The following ZRANB3 variants were observed in gnomAD, a reference collection of about 807,000 sequenced individuals.
The protein encoded by ZRANB3 is zinc finger RANBP2-type containing 3, also known as DNA annealing helicase and endonuclease ZRANB3.
A neutral mutation model predicts 133.8 loss-of-function variants in ZRANB3; 125 were observed. That is an observed-to-expected ratio of 0.93 (90% CI 0.81 to 1.08). The LOEUF (loss-of-function observed/expected upper bound fraction) is 1.08. Among genes scored for constraint, ZRANB3 ranks in the 50% least tolerant of loss-of-function variants. ZRANB3 has a pLI of 0.00. For missense variants in ZRANB3, 1,229 were observed against 1,275.5 expected (o/e 0.96, Z 0.56); for synonymous variants, 387 against 432.7 (o/e 0.89, Z 1.31).
chr2:135,498,064 ATAAT>A (rs1233525227), intron 2 of ZRANB3, among the ~76,000 whole-genome samples: 1 of 145,154 alleles, frequency 6.9e-6, no homozygotes, highest in African/African-American at 2.7e-5. Flanking sequence ...AAAATAATAA[ATAAT>A]AAATAAATAA....
intron 2 of ZRANB3, among the ~76,000 whole-genome samples, chr2:135,407,913 G>C (rs949036301): frequency 2.0e-5 from 3 of 146,414 alleles, no homozygotes; most frequent in South Asian, 2.2e-4. Flanking sequence ...CATAGGCATG[G>C]GCAAGGACTT....
At chr2:135,265,090 T>G (rs1218263253) in intron 12 of ZRANB3, among the ~76,000 whole-genome samples, 1 of 152,174 alleles carries the variant, frequency 6.6e-6, no homozygotes, top group Non-Finnish European at 1.5e-5. Flanking sequence ...CTTTACTAAT[T>G]GAGTTGTATA....
rs1218474503 is a variant in ZRANB3 at position 135,408,554 on chromosome 2, A to T, written c.162-17734T>A. ...TGTTTATTGCGGCACTATTCACAATAGCAAAGACTTGGAACCAACCCAAAT... is the reference window on the plus strand; with the variant it reads ...TGTTTATTGCGGCACTATTCACAATTGCAAAGACTTGGAACCAACCCAAAT... On this transcript the variant is annotated intron_variant, in intron 2 of 20. Coordinates refer to ENST00000264159, the MANE Select transcript of ZRANB3 (RefSeq NM_032143.4). 2.0e-5 allele frequency among the ~76,000 whole-genome samples: 3 copies of T among 152,232 alleles called. No homozygotes were observed. The East Asian group carries it at 5.8e-4, about 29-fold the overall frequency.
chr2:135,477,520 T>C (rs1691557561), intron 2 of ZRANB3, among the ~76,000 whole-genome samples: 1 of 152,222 alleles, frequency 6.6e-6, no homozygotes, highest in South Asian at 2.1e-4. Context: ...ATACTTGTTC[T>C]CTCAGGCCTA....
chr2:135,332,265 C>T (rs1684182041), intron 6 of ZRANB3, among the ~76,000 whole-genome samples: 1 of 152,030 alleles, frequency 6.6e-6, no homozygotes, highest in African/African-American at 2.4e-5. Flanking sequence ...CTATTAAGTT[C>T]CACTGCTTGA....
intron 17 of ZRANB3, among the ~76,000 whole-genome samples, chr2:135,209,294 T>A (rs1035916845): frequency 1.3e-5 from 2 of 152,230 alleles, no homozygotes; most frequent in Non-Finnish European, 2.9e-5. Flanking sequence ...AATGATCAAA[T>A]ACACGCACAA....
At chr2:135,388,068 C>T (rs1403767925) in intron 3 of ZRANB3, among the ~76,000 whole-genome samples, 4 of 152,140 alleles carry the variant, frequency 2.6e-5, no homozygotes, top group Non-Finnish European at 5.9e-5. Flanking sequence ...TTCACAGTTC[C>T]ACATGGCTAG....
At chr2:135,495,011 G>C (rs888956376) in intron 2 of ZRANB3, among the ~76,000 whole-genome samples, 1 of 152,182 alleles carries the variant, frequency 6.6e-6, no homozygotes, top group Admixed American at 6.5e-5. Flanking sequence ...AAAGCAGGAA[G>C]ATCATATGGG....
chr2:135,208,960 ATCT>A lies in ZRANB3; in HGVS notation c.2511_2513del (p.Glu837del), dbSNP rs1693992352. ...CTTTGTCCATTGAGGCTACGGCAAC[ATCT>A]TCTTTGGTTATGTATCTAAAACAAT... On this transcript the variant is annotated inframe_deletion, in exon 18 of 21. Coordinates refer to ENST00000264159, the MANE Select transcript of ZRANB3 (RefSeq NM_032143.4). 6.2e-7 allele frequency: 1 copy of A among 1,613,818 alleles called. No homozygotes were observed. The highest frequency in any genetic ancestry group is 8.5e-7 in the Non-Finnish European group (1 of 1,179,856).
chr2:135,223,011 C>T (rs199553809), intron 15 of ZRANB3, among the ~76,000 whole-genome samples: 2 of 151,766 alleles, frequency 1.3e-5, no homozygotes, highest in African/African-American at 2.4e-5. Context: ...CCCCGCACTT[C>T]GGGAGGCTGA....
intron 12 of ZRANB3, among the ~76,000 whole-genome samples, chr2:135,252,564 T>C (rs1679453302): frequency 6.6e-6 from 1 of 152,174 alleles, no homozygotes; most frequent in South Asian, 2.1e-4. Flanking sequence ...CTATGTACCA[T>C]TATTTCTCTT....
intron 1 of ZRANB3, among the ~76,000 whole-genome samples, chr2:135,516,801 G>T (rs901608983): frequency 6.6e-6 from 1 of 152,078 alleles, no homozygotes; most frequent in Admixed American, 6.5e-5. Context: ...CATATTTCCT[G>T]AATTTGAATG....
At position 135,244,126 on chromosome 2, in the gene ZRANB3, T is replaced by A. The variant is rs866910679; in HGVS notation, c.1540-13199A>T. Among the ~76,000 whole-genome samples the A allele has an allele frequency of 7.9e-3, 1,132 of 144,176 alleles. 14 individuals are homozygous for A. Among genetic ancestry groups the A allele is most frequent in the African/African-American group, 0.027 (1,013 of 38,046 alleles). The allele number at this position is 144,176 out of a possible 152,430, so 94.6% of individuals were successfully genotyped here. A position where few individuals can be genotyped will look rare whatever the true frequency, so the allele number is the denominator to read the frequency against. On this transcript the variant is annotated intron_variant, in intron 12 of 20. Coordinates refer to ENST00000264159, the MANE Select transcript of ZRANB3 (RefSeq NM_032143.4). ...CCCCACCAAAAAAAAAAAAAAAAAATTTGCAACATTTGTTAAAACAAAAGG... is the reference window on the plus strand; with the variant it reads ...CCCCACCAAAAAAAAAAAAAAAAAAATTGCAACATTTGTTAAAACAAAAGG...
chr2:135,386,044 A>C (rs991151133), intron 3 of ZRANB3, among the ~76,000 whole-genome samples: 3 of 152,184 alleles, frequency 2.0e-5, no homozygotes, highest in African/African-American at 7.2e-5. Context: ...CTACCATCAG[A>C]GTGAACAGGC....
chr2:135,429,770 G>A (rs1689239799), intron 2 of ZRANB3, among the ~76,000 whole-genome samples: 1 of 152,136 alleles, frequency 6.6e-6, no homozygotes, highest in Non-Finnish European at 1.5e-5. Context: ...AGCGTAGGAG[G>A]CAGCCATTTT....
At chr2:135,259,906 T>G (rs1679869001) in intron 12 of ZRANB3, among the ~76,000 whole-genome samples, 1 of 152,050 alleles carries the variant, frequency 6.6e-6, no homozygotes, top group African/African-American at 2.4e-5. Flanking sequence ...AATGGCTAGA[T>G]AAATAATGTT....
chr2:135,338,844 AAC>A (rs1210330207), intron 6 of ZRANB3, among the ~76,000 whole-genome samples: 4 of 152,400 alleles, frequency 2.6e-5, no homozygotes, highest in South Asian at 2.1e-4. Context: ...ATATGTGAAT[AAC>A]ACATGTATAA....
chr2:135,301,858 G>C (rs1472254618), intron 8 of ZRANB3, among the ~76,000 whole-genome samples: 1 of 152,104 alleles, frequency 6.6e-6, no homozygotes, highest in Admixed American at 6.5e-5. Context: ...CCAGTAGATT[G>C]CAAGTTCCTT....
intron 2 of ZRANB3, among the ~76,000 whole-genome samples, chr2:135,478,691 T>TC (rs1691616581): frequency 6.6e-6 from 1 of 152,100 alleles, no homozygotes; most frequent in African/African-American, 2.4e-5. Context: ...TTTTAAGTTT[T>TC]CCACTATGTG....
Sources: allele counts gnomAD v4.1 joint callset (sites outside exome capture counted in the v4.1 genomes callset), GRCh38; gene constraint gnomAD v4.1.1; transcripts MANE v1.5; gene names NCBI Gene and HGNC (gene_info 2026-07-23, HGNC 2026-07-21).